The following KCNT2 variants were observed in gnomAD, a reference collection of about 807,000 sequenced individuals.
KCNT2 encodes potassium channel subfamily T member 2.
KCNT2 carries 67 observed loss-of-function variants against 153.8 expected under a neutral mutation model. That is an observed-to-expected ratio of 0.44 (90% CI 0.36 to 0.53). The LOEUF (loss-of-function observed/expected upper bound fraction) is 0.53, where lower values mean the gene tolerates loss of function less well. Ranked by LOEUF, KCNT2 falls within the 20% of genes least tolerant of loss-of-function variation. The probability of loss-of-function intolerance (pLI) is 0.00; values close to 1 mark genes in which losing one functional copy is unlikely to be tolerated. For missense variants in KCNT2, 975 were observed against 1,354.8 expected, an observed-to-expected ratio of 0.72 and a Z score of 4.40; for synonymous variants, 500 against 458.8, an observed-to-expected ratio of 1.09 and a Z score of -1.15.
rs191009403 is a variant in KCNT2 at position 196,237,762 on chromosome 1, G to A, written c.3212-1692C>T. On this transcript the variant is annotated intron_variant, in intron 26 of 27. Transcript: ENST00000294725. ...TCATGTATTTTTATTTGCTAAACCT[G>A]GTGGTCATATCTAGTGTTAGATGGC... 8.6e-5 allele frequency among the ~76,000 whole-genome samples: 13 copies of A among 151,874 alleles called. No homozygotes were observed. The Admixed American group carries it at 8.6e-4, about 10-fold the overall frequency.
chr1:196,503,424 A>C (rs2148771807), intron 1 of KCNT2, among the ~76,000 whole-genome samples: 1 of 152,260 alleles, frequency 6.6e-6, no homozygotes, highest in African/African-American at 2.4e-5. Context: ...CCATAAACCT[A>C]ATAGCTTGCC....
At chr1:196,580,168 T>G (rs1321714952) in intron 1 of KCNT2, among the ~76,000 whole-genome samples, 1 of 152,028 alleles carries the variant, frequency 6.6e-6, no homozygotes, top group African/African-American at 2.4e-5. Flanking sequence ...GTAAAGAAAG[T>G]GAAGAGCATT....
At chr1:196,268,763 G>T (rs915190165) in intron 25 of KCNT2, among the ~76,000 whole-genome samples, 12 of 151,818 alleles carry the variant, frequency 7.9e-5, no homozygotes, top group Non-Finnish European at 1.8e-4. Flanking sequence ...AAACAAAAAT[G>T]ATCTGCTTCC....
chr1:196,404,132 C>T (rs772960690), intron 12 of KCNT2: 92 of 978,770 alleles, frequency 9.4e-5, no homozygotes, highest in Non-Finnish European at 1.1e-4. Flanking sequence ...TCTCACTTAC[C>T]TTGCATTTAG....
chr1:196,291,567 G>A (rs1298956730), intron 22 of KCNT2, among the ~76,000 whole-genome samples: 1 of 151,976 alleles, frequency 6.6e-6, no homozygotes, highest in Non-Finnish European at 1.5e-5. Context: ...TTAATACTTA[G>A]TATTTCCTAT....
intron 8 of KCNT2, among the ~76,000 whole-genome samples, chr1:196,433,895 G>T (rs1295905438): frequency 6.6e-6 from 1 of 152,022 alleles, no homozygotes; most frequent in Non-Finnish European, 1.5e-5. Context: ...TCAAGAGACA[G>T]AAGAGAGAAA....
chr1:196,555,202 C>A (rs1486481342), intron 1 of KCNT2, among the ~76,000 whole-genome samples: 3 of 151,182 alleles, frequency 2.0e-5, no homozygotes, highest in Non-Finnish European at 3.0e-5. Flanking sequence ...TCACATTATC[C>A]TTATTTGCAG....
intron 14 of KCNT2, among the ~76,000 whole-genome samples, chr1:196,368,681 T>C (rs1316767188): frequency 6.6e-6 from 1 of 152,190 alleles, no homozygotes; most frequent in Non-Finnish European, 1.5e-5. Flanking sequence ...TTTATTATGC[T>C]ATACTATATT....
intron 6 of KCNT2, 69 bp downstream of exon 6, chr1:196,468,925 A>G (rs921004167): frequency 6.1e-5 from 53 of 873,898 alleles, no homozygotes; most frequent in Non-Finnish European, 8.8e-5. Context: ...ATTTAACAGT[A>G]TCTAGGTTTA....
intron 1 of KCNT2, among the ~76,000 whole-genome samples, chr1:196,518,488 A>C (rs1331300403): frequency 6.6e-6 from 1 of 151,768 alleles, no homozygotes; most frequent in Non-Finnish European, 1.5e-5. Flanking sequence ...TAAAAAAAAA[A>C]AAAAAAAAGC....
chr1:196,426,687 C>A (rs73067663), intron 10 of KCNT2, among the ~76,000 whole-genome samples: 6,863 of 151,672 alleles, frequency 0.045, 520 homozygotes, highest in African/African-American at 0.16. Context: ...TTAAATAATT[C>A]TCTACATTGA....
At chr1:196,312,769 T>G (rs929603538) in intron 21 of KCNT2, among the ~76,000 whole-genome samples, 2 of 151,818 alleles carry the variant, frequency 1.3e-5, no homozygotes, top group African/African-American at 4.8e-5. Flanking sequence ...GCTGAAATAT[T>G]TTAAAGATAC....
chr1:196,584,211 C>A (rs1016140749), intron 1 of KCNT2, among the ~76,000 whole-genome samples: 3 of 22,754 alleles, frequency 1.3e-4, no homozygotes, highest in African/African-American at 2.7e-4. Flanking sequence ...GAAGCTCCCG[C>A]CCAAACCCTC....
At chr1:196,246,992 C>T (rs1323270291) in intron 26 of KCNT2, among the ~76,000 whole-genome samples, 1 of 151,860 alleles carries the variant, frequency 6.6e-6, no homozygotes, top group Admixed American at 6.6e-5. Context: ...TACAAGAGCA[C>T]CTGAATGAAT....
chr1:196,559,415 C>T (rs763824020), intron 1 of KCNT2, among the ~76,000 whole-genome samples: 1 of 151,602 alleles, frequency 6.6e-6, no homozygotes, highest in South Asian at 2.1e-4. Flanking sequence ...TCGATTGTTT[C>T]CAGTTTTATG....
In KCNT2 at chr1:196,248,377, T is replaced by C. The variant is rs931733045; in HGVS notation, c.3211+9817A>G. ...AAGAAAAAGTTGTTTTTTGATAAGA[T>C]AAACAAAATTGACAAACTTTTATCC... On this transcript the variant is annotated intron_variant, in intron 26 of 27. Transcript: ENST00000294725. Among the ~76,000 whole-genome samples the C allele has an allele frequency of 2.0e-5, 3 of 151,826 alleles. No individual in the cohort carries two copies. The East Asian group carries it at 5.8e-4, about 29-fold the overall frequency.
intron 1 of KCNT2, among the ~76,000 whole-genome samples, chr1:196,529,970 C>T (rs1654731574): frequency 6.6e-6 from 1 of 152,008 alleles, no homozygotes; most frequent in South Asian, 2.1e-4. Flanking sequence ...GTCTACCAAA[C>T]ACACAGGCCT....
chr1:196,479,069 C>T, intron 5 of KCNT2, 110 bp downstream of exon 5: 1 of 705,076 alleles, frequency 1.4e-6, no homozygotes, highest in South Asian at 1.7e-5. Context: ...AACAAAGTGG[C>T]TCAAGAAGAG....
intron 17 of KCNT2, among the ~76,000 whole-genome samples, chr1:196,331,937 A>C (rs574503596): frequency 2.6e-5 from 4 of 152,248 alleles, no homozygotes; most frequent in African/African-American, 9.6e-5. Context: ...CTTTTAAAAA[A>C]CAGCCAACAG....
Sources: allele counts gnomAD v4.1 joint callset (sites outside exome capture counted in the v4.1 genomes callset), GRCh38; gene constraint gnomAD v4.1.1; transcripts MANE v1.5; gene names NCBI Gene and HGNC (gene_info 2026-07-23, HGNC 2026-07-21).